The following PIK3AP1 variants were observed in gnomAD, a reference collection of about 807,000 sequenced individuals.
The protein encoded by PIK3AP1 is phosphoinositide 3-kinase adapter protein 1.
Under a neutral mutation model 88.1 loss-of-function variants are expected in PIK3AP1, and 21 were observed. That is an observed-to-expected ratio of 0.24 (90% CI 0.17 to 0.34). PIK3AP1 has a LOEUF of 0.34. Ranked by LOEUF, PIK3AP1 falls within the 10% of genes least tolerant of loss-of-function variation. The pLI is 1.00. For missense variants in PIK3AP1, 828 were observed against 1,035.7 expected (o/e 0.80, Z 2.75); for synonymous variants, 398 against 400.0 (o/e 1.00, Z 0.06).
intron 1 of PIK3AP1, among the ~76,000 whole-genome samples, chr10:96,717,843 A>G (rs1844523302): frequency 6.6e-6 from 1 of 152,166 alleles, no homozygotes; most frequent in East Asian, 1.9e-4. Flanking sequence ...ATTTCATTTT[A>G]TCTTCCTACC....
At chr10:96,609,590 CA>C in intron 14 of PIK3AP1, 121 bp downstream of exon 14, 1 of 1,233,216 alleles carries the variant, frequency 8.1e-7, no homozygotes, top group South Asian at 1.6e-5. Flanking sequence ...TTATACCTCT[CA>C]AACCCAAACC....
intron 8 of PIK3AP1, among the ~76,000 whole-genome samples, chr10:96,642,548 G>A (rs12245356): frequency 0.017 from 2,524 of 152,194 alleles, 80 homozygotes; most frequent in African/African-American, 0.056. Context: ...GAAAAATGTG[G>A]TGGGTTTCCT....
In PIK3AP1 at chr10:96,627,023, A is replaced by G. The variant is rs1056647616; in HGVS notation, c.1472-118T>C. On this transcript the variant is annotated intron_variant, in intron 9 of 16. Coordinates refer to ENST00000339364, the MANE Select transcript of PIK3AP1 (RefSeq NM_152309.3). ...CCTCAGTGCTGCCCCCTGGCAAAGG[A>G]CTTTCCCCAATATCACTTCCTGTAT... 13 of 919,078 alleles carry G rather than the reference A, an allele frequency of 1.4e-5. No individual in the cohort carries two copies. In the East Asian group the frequency reaches 3.0e-4, roughly 21 times the overall value. The allele number at this position is 919,078 out of a possible 1,614,324, so 56.9% of individuals were successfully genotyped here. A position where few individuals can be genotyped will look rare whatever the true frequency, so the allele number is the denominator to read the frequency against.
chr10:96,651,217 T>C (rs756880865), intron 6 of PIK3AP1, 31 bp downstream of exon 6: 6 of 1,613,880 alleles, frequency 3.7e-6, no homozygotes, highest in South Asian at 3.3e-5. Context: ...TCAGCCCACG[T>C]TGGTTTCCTG....
At chr10:96,686,809 G>A (rs555405759) in intron 2 of PIK3AP1, among the ~76,000 whole-genome samples, 29 of 152,082 alleles carry the variant, frequency 1.9e-4, no homozygotes, top group African/African-American at 4.6e-4. Context: ...AACTTGGTTC[G>A]TTAACATTTA....
intron 12 of PIK3AP1, among the ~76,000 whole-genome samples, chr10:96,617,088 T>C (rs1849226600): frequency 6.6e-6 from 1 of 152,216 alleles, no homozygotes; most frequent in Non-Finnish European, 1.5e-5. Flanking sequence ...TTCTTCTCCA[T>C]GAGTCTGGAT....
chr10:96,604,115 C>A, intron 14 of PIK3AP1, 66 bp from the exon 15 acceptor site: 1 of 1,298,830 alleles, frequency 7.7e-7, no homozygotes, highest in Non-Finnish European at 1.1e-6. Flanking sequence ...ATAGAGAACT[C>A]TAGAACTTAT....
chr10:96,598,686 A>G (rs1046305136), intron 16 of PIK3AP1, among the ~76,000 whole-genome samples: 1 of 152,254 alleles, frequency 6.6e-6, no homozygotes, highest in African/African-American at 2.4e-5. Context: ...TTGGGAAACC[A>G]AAAGAAGATT....
chr10:96,620,639 C>G, intron 11 of PIK3AP1, 82 bp from the exon 12 acceptor site: 7 of 1,236,016 alleles, frequency 5.7e-6, no homozygotes, highest in Non-Finnish European at 8.1e-6. Flanking sequence ...TGAGGCTGGT[C>G]ACAGGCTCAA....
chr10:96,612,496 A>C (rs1489858991), intron 13 of PIK3AP1, among the ~76,000 whole-genome samples: 1 of 152,190 alleles, frequency 6.6e-6, no homozygotes, highest in Admixed American at 6.5e-5. Flanking sequence ...CTTAGAAAAG[A>C]TCCTTTAAGC....
In PIK3AP1 at chr10:96,595,608, G is replaced by T. The variant is rs746172807; in HGVS notation, c.2387C>A (p.Pro796His). 4 of 1,613,324 alleles carry T rather than the reference G, an allele frequency of 2.5e-6. No homozygotes were observed. The Admixed American group carries it at 6.7e-5, about 27-fold the overall frequency. Residue 796 changes from proline to histidine, a missense_variant, in exon 17 of 17, where the codon CCT becomes CAT. Coordinates refer to ENST00000339364, the MANE Select transcript of PIK3AP1 (RefSeq NM_152309.3). Reference sequence around the variant, plus strand: ...TCCTCTGGGTGGAACAGGTGGAGGAGGATGGAAGGTCTCCCTGGTCGGAGG... The same window carrying T: ...TCCTCTGGGTGGAACAGGTGGAGGATGATGGAAGGTCTCCCTGGTCGGAGG... ...QRPPTRETFH[P>H]PPPVPPRGR is the part of the protein sequence containing the mutation.
At chr10:96,706,559 A>G (rs527448587) in intron 2 of PIK3AP1, among the ~76,000 whole-genome samples, 4 of 152,356 alleles carry the variant, frequency 2.6e-5, no homozygotes, top group Non-Finnish European at 5.9e-5. Context: ...TTTCTGGCCT[A>G]GGTGAATCAC....
Position 96,594,734 on chromosome 10 carries a change from G to A in PIK3AP1, c.*843C>T, listed in dbSNP as rs912090307. The A allele has an allele frequency of 6.6e-5, 10 of 152,170 alleles. No homozygotes were observed. Among genetic ancestry groups the A allele is most frequent in the Non-Finnish European group, 1.0e-4 (7 of 68,034 alleles). The allele number at this position is 152,170 out of a possible 1,614,324, so 9.4% of individuals were successfully genotyped here. On this transcript the variant is annotated 3_prime_UTR_variant, in exon 17 of 17. Transcript: ENST00000339364. The surrounding 1 kb of genome is among the most constrained non-coding windows in gnomAD (Gnocchi z 4.6). ...AGATGTTCTCTGGAAACATAACTGC[G>A]TTGAAACCATACTGAAGTATAAATT...
At chr10:96,681,904 G>A (rs550655287) in intron 2 of PIK3AP1, among the ~76,000 whole-genome samples, 4 of 151,936 alleles carry the variant, frequency 2.6e-5, no homozygotes, top group East Asian at 3.9e-4. Flanking sequence ...AAAGATCCAG[G>A]TTTTTATAGA....
intron 2 of PIK3AP1, among the ~76,000 whole-genome samples, chr10:96,663,267 C>T (rs147271005): frequency 2.2e-3 from 329 of 151,748 alleles, no homozygotes; most frequent in Middle Eastern, 0.01. Context: ...TGTGAATATA[C>T]GAAAAAAACA....
At chr10:96,613,555 G>A (rs1268579292) in intron 13 of PIK3AP1, among the ~76,000 whole-genome samples, 2 of 152,144 alleles carry the variant, frequency 1.3e-5, no homozygotes, top group Admixed American at 6.5e-5. Context: ...AAATATCCTT[G>A]TCAGAGGGTC....
At chr10:96,634,719 A>G (rs968565984) in intron 8 of PIK3AP1, among the ~76,000 whole-genome samples, 3 of 152,196 alleles carry the variant, frequency 2.0e-5, no homozygotes, top group African/African-American at 7.2e-5. Context: ...TAGTTGGTAT[A>G]TTAGTTTTCT....
chr10:96,620,591 C>A, intron 11 of PIK3AP1, 34 bp from the exon 12 acceptor site: 2 of 1,596,022 alleles, frequency 1.3e-6, no homozygotes, highest in South Asian at 1.1e-5. Context: ...CTTGACAGCT[C>A]CCCCACTGGG....
intron 4 of PIK3AP1, 124 bp from the exon 5 acceptor site, chr10:96,651,775 C>G: frequency 1.7e-6 from 2 of 1,162,860 alleles, no homozygotes; most frequent in Non-Finnish European, 2.4e-6. Flanking sequence ...GAAGAAAGAT[C>G]TTGGAGGTGA....
Sources: gnomAD v4.1 joint callset for allele counts (sites outside exome capture counted in the v4.1 genomes callset) on GRCh38, gnomAD v4.1.1 for gene constraint, Gnocchi (gnomAD v3.1) non-coding constraint, MANE v1.5 for transcripts, NCBI Gene and HGNC (gene_info 2026-07-23, HGNC 2026-07-21) for gene names.